TNS1: variants seen among roughly 807,000 people sequenced by gnomAD.
The protein encoded by TNS1 is tensin 1, also known as tensin-1.
In TNS1, 62 loss-of-function variants were observed where a neutral mutation model predicts 168.6. The ratio of observed to expected loss-of-function variants is 0.37; its 90% CI spans 0.30 to 0.45. The LOEUF is 0.45. Ranked by LOEUF, TNS1 falls within the 20% of genes least tolerant of loss-of-function variation. The pLI is 1.00. For missense variants in TNS1, 2,240 were observed against 2,339.4 expected (o/e 0.96, Z 0.88); for synonymous variants, 934 against 933.2 (o/e 1.00, Z -0.02).
Position 217,895,151 on chromosome 2 carries a change from C to T in TNS1, c.544-95G>A, listed in dbSNP as rs923174169. 10 of 1,282,904 alleles carry T rather than the reference C, an allele frequency of 7.8e-6. No homozygotes were observed. In the Admixed American group the frequency reaches 7.9e-5, roughly 10 times the overall value. 79.5% of individuals were successfully genotyped at this position (1,282,904 alleles called of 1,614,324 possible). Reference sequence around the variant, plus strand: ...ATGGCCTGCTGGTCCCAGAAAGGACCGTGGCATCATTGCCAACTTCCTCTG... The same window carrying T: ...ATGGCCTGCTGGTCCCAGAAAGGACTGTGGCATCATTGCCAACTTCCTCTG... On this transcript the variant is annotated intron_variant, in intron 8 of 32. Transcript: ENST00000682258.
At chr2:218,019,174 C>T (rs1958786098) in intron 1 of TNS1, among the ~76,000 whole-genome samples, 1 of 152,080 alleles carries the variant, frequency 6.6e-6, no homozygotes, top group Non-Finnish European at 1.5e-5. Flanking sequence ...AGGAGGGTCC[C>T]CTGGAAGATA....
At chr2:217,934,411 C>T (rs918305311) in intron 3 of TNS1, among the ~76,000 whole-genome samples, 3 of 152,156 alleles carry the variant, frequency 2.0e-5, no homozygotes, top group East Asian at 1.9e-4. Flanking sequence ...GGAGAATTTC[C>T]GGAGCCCCAG....
At chr2:217,972,012 T>G (rs561040136) in intron 3 of TNS1, among the ~76,000 whole-genome samples, 4 of 152,350 alleles carry the variant, frequency 2.6e-5, no homozygotes, top group African/African-American at 9.6e-5. Context: ...ATCTCTCAGA[T>G]TCTCTCCACC....
intron 32 of TNS1, 126 bp downstream of exon 32, chr2:217,807,949 C>T: frequency 1.7e-6 from 2 of 1,171,586 alleles, no homozygotes; most frequent in Admixed American, 2.0e-5. Context: ...GCTGAGTGAC[C>T]TTGGCACAAA....
chr2:217,985,303 G>C (rs879525683), intron 2 of TNS1, among the ~76,000 whole-genome samples: 2 of 151,960 alleles, frequency 1.3e-5, no homozygotes, highest in East Asian at 3.9e-4. Flanking sequence ...CTGAATGCTT[G>C]CTATATATCA....
chr2:217,918,824 C>T (rs993375033), intron 4 of TNS1, among the ~76,000 whole-genome samples: 30 of 151,312 alleles, frequency 2.0e-4, no homozygotes, highest in African/African-American at 7.3e-4. Context: ...CAGTTCCAAG[C>T]CCGACTGCAC....
intron 1 of TNS1, among the ~76,000 whole-genome samples, chr2:218,030,887 G>A (rs763476628): frequency 4.6e-5 from 7 of 152,188 alleles, no homozygotes; most frequent in Non-Finnish European, 7.3e-5. Context: ...CTGTGTGTAA[G>A]CGTGTGTGTA....
intron 16 of TNS1, among the ~76,000 whole-genome samples, chr2:217,883,634 T>C (rs943533789): frequency 1.3e-5 from 2 of 152,212 alleles, no homozygotes; most frequent in Non-Finnish European, 2.9e-5. Context: ...GAGGAGGAAA[T>C]CTGTGACCCT....
intron 1 of TNS1, among the ~76,000 whole-genome samples, chr2:218,028,894 A>G (rs1198774559): frequency 6.6e-6 from 1 of 152,056 alleles, no homozygotes; most frequent in Admixed American, 6.5e-5. Flanking sequence ...GGCAGCCTAT[A>G]CTTCCCACTC....
At chr2:217,912,311 T>C (rs1319187098) in intron 4 of TNS1, among the ~76,000 whole-genome samples, 2 of 152,216 alleles carry the variant, frequency 1.3e-5, no homozygotes, top group African/African-American at 2.4e-5. Flanking sequence ...GGGAAGGGGA[T>C]TGGGGAGGAG....
intron 22 of TNS1, among the ~76,000 whole-genome samples, chr2:217,830,711 G>A (rs1944294194): frequency 6.6e-6 from 1 of 152,258 alleles, no homozygotes; most frequent in Admixed American, 6.5e-5. Context: ...AGCTTGGGCT[G>A]CTCTCCTCAG....
intron 32 of TNS1, among the ~76,000 whole-genome samples, chr2:217,806,369 C>T (rs1939093053): frequency 6.6e-6 from 1 of 152,220 alleles, no homozygotes; most frequent in South Asian, 2.1e-4. Context: ...CACCTCGTCC[C>T]TGTCATGATT....
intron 8 of TNS1, 74 bp from the exon 9 acceptor site, chr2:217,895,130 C>G: frequency 1.4e-6 from 2 of 1,422,428 alleles, no homozygotes; most frequent in Non-Finnish European, 1.9e-6. Flanking sequence ...AGAACCATGG[C>G]CTGCTGGTCC....
chr2:217,870,448 T>A (rs1949673707), intron 18 of TNS1, among the ~76,000 whole-genome samples: 1 of 152,228 alleles, frequency 6.6e-6, no homozygotes, highest in African/African-American at 2.4e-5. Flanking sequence ...AGTATTTGAT[T>A]GATAGAAGCT....
At chr2:218,016,905 G>A (rs527540354) in intron 1 of TNS1, among the ~76,000 whole-genome samples, 46 of 152,314 alleles carry the variant, frequency 3.0e-4, no homozygotes, top group Non-Finnish European at 4.9e-4. Context: ...AAAGAGCAGC[G>A]AGTGGCAGTG....
intron 18 of TNS1, among the ~76,000 whole-genome samples, chr2:217,876,961 T>TA (rs1950255729): frequency 6.6e-6 from 1 of 152,144 alleles, no homozygotes; most frequent in African/African-American, 2.4e-5. Context: ...AGCAGATTAA[T>TA]AATACTTCAG....
In TNS1 at chr2:217,885,227, G is replaced by A. The variant is rs1473403880; in HGVS notation, c.1117-63C>T. On this transcript the variant is annotated intron_variant, in intron 15 of 32. Transcript: ENST00000682258. The stretch of plus-strand genomic sequence containing the variant: ...AGGCTGGGAGGTCAGGTCCCAGGGA[G>A]CCTCCTTATCAGCTCCGCTGACTGA... The A allele has an allele frequency of 2.5e-6, 4 of 1,606,782 alleles. No individual in the cohort carries two copies. In the African/African-American group the frequency reaches 5.3e-5, roughly 21 times the overall value.
At chr2:217,808,836 C>A (rs181967274) in intron 30 of TNS1, among the ~76,000 whole-genome samples, 165 bp from the exon 31 acceptor site, 21 of 152,272 alleles carry the variant, frequency 1.4e-4, no homozygotes, top group African/African-American at 5.1e-4. Flanking sequence ...CACTGGTGAC[C>A]CAAGCAATGT....
At chr2:217,969,290 C>G (rs1179698606) in intron 3 of TNS1, among the ~76,000 whole-genome samples, 2 of 152,118 alleles carry the variant, frequency 1.3e-5, no homozygotes, top group African/African-American at 4.8e-5. Context: ...CAGCATTTAC[C>G]TTACTTCACA....
Sources: gnomAD v4.1 joint callset for allele counts (sites outside exome capture counted in the v4.1 genomes callset) on GRCh38, gnomAD v4.1.1 for gene constraint, MANE v1.5 for transcripts, NCBI Gene and HGNC (gene_info 2026-07-23, HGNC 2026-07-21) for gene names.